SLC2A9: variants seen among roughly 807,000 people sequenced by gnomAD.
The protein encoded by SLC2A9 is solute carrier family 2 member 9, also known as solute carrier family 2, facilitated glucose transporter member 9.
Under a neutral mutation model 50.6 loss-of-function variants are expected in SLC2A9, and 39 were observed. The observed-to-expected ratio is 0.77, with a 90% CI of 0.60 to 1.01. The LOEUF (loss-of-function observed/expected upper bound fraction) is 1.01. Among genes scored for constraint, SLC2A9 ranks in the 50% least tolerant of loss-of-function variants. The pLI is 0.00. For synonymous variants in SLC2A9, 324 were observed against 276.9 expected (o/e 1.17, Z -1.69); for missense variants, 686 against 677.6 (o/e 1.01, Z -0.14).
intron 8 of SLC2A9, among the ~76,000 whole-genome samples, chr4:9,907,841 G>A (rs905025639): frequency 2.6e-5 from 4 of 152,196 alleles, no homozygotes; most frequent in African/African-American, 9.7e-5. Flanking sequence ...TGGGTAAAAT[G>A]TCAGTGAAGA....
At chr4:9,922,705 CA>C (rs1744168998) in intron 6 of SLC2A9, 2 of 152,352 alleles carry the variant, frequency 1.3e-5, no homozygotes, top group Admixed American at 6.5e-5. Context: ...AAGACTTTGC[CA>C]GGGGCACTGT....
At chr4:9,917,491 C>T (rs1050855575) in intron 7 of SLC2A9, among the ~76,000 whole-genome samples, 11 of 151,890 alleles carry the variant, frequency 7.2e-5, no homozygotes, top group Non-Finnish European at 1.0e-4. Context: ...TGCCACCATG[C>T]CTGGCTAATT....
chr4:9,967,003 A>G (rs1006498585), intron 5 of SLC2A9, among the ~76,000 whole-genome samples: 10 of 152,198 alleles, frequency 6.6e-5, no homozygotes, highest in African/African-American at 2.4e-4. Flanking sequence ...TGTACTCACT[A>G]GCGTCCATTT....
At chr4:9,943,246 G>T (rs1433687757) in intron 5 of SLC2A9, among the ~76,000 whole-genome samples, 1 of 152,230 alleles carries the variant, frequency 6.6e-6, no homozygotes, top group African/African-American at 2.4e-5. Context: ...GAAGTGGCCT[G>T]CCAGGGGCAC....
Position 9,918,945 on chromosome 4 carries a change from T to TAGTC in SLC2A9, c.1002+1436_1002+1439dup, listed in dbSNP as rs1245930977. 2.0e-5 allele frequency among the ~76,000 whole-genome samples: 3 copies of TAGTC among 152,192 alleles called. No individual in the cohort carries two copies. The East Asian group carries it at 5.8e-4, about 29-fold the overall frequency. ...CTGAGATTTTTTTTCAACAGGTGCTTAGTCAGTGCGGCTTGCAGGTACACC... is the reference window on the plus strand; with the variant it reads ...CTGAGATTTTTTTTCAACAGGTGCTTAGTCAGTCAGTGCGGCTTGCAGGTACACC... On this transcript the variant is annotated intron_variant, in intron 7 of 11. Coordinates refer to ENST00000264784, the MANE Select transcript of SLC2A9 (RefSeq NM_020041.3).
chr4:9,820,991 T>A (rs1724320135), intron 3 of SLC2A9, among the ~76,000 whole-genome samples: 1 of 152,232 alleles, frequency 6.6e-6, no homozygotes, highest in Non-Finnish European at 1.5e-5. Context: ...ATAGAAAATA[T>A]CTTTACTTTG....
chr4:9,882,410 G>A (rs1735376837), intron 10 of SLC2A9, among the ~76,000 whole-genome samples: 1 of 152,126 alleles, frequency 6.6e-6, no homozygotes, highest in Non-Finnish European at 1.5e-5. Flanking sequence ...TTGCCTCTTA[G>A]CTATGTGATT....
chr4:9,957,695 T>C (rs1751538227), intron 5 of SLC2A9, among the ~76,000 whole-genome samples: 1 of 151,926 alleles, frequency 6.6e-6, no homozygotes, highest in Non-Finnish European at 1.5e-5. Context: ...TATGATAAAA[T>C]AATAAAAATA....
intron 3 of SLC2A9, chr4:9,780,080 A>T (rs1718127917): frequency 6.6e-6 from 1 of 152,268 alleles, no homozygotes; most frequent in African/African-American, 2.4e-5. Flanking sequence ...GGACAAAGAC[A>T]AGGGCAATAT....
intron 2 of SLC2A9, among the ~76,000 whole-genome samples, chr4:10,007,767 T>C (rs561254349): frequency 3.5e-4 from 53 of 152,294 alleles, no homozygotes; most frequent in Non-Finnish European, 6.5e-4. Context: ...AAAGGGCAAA[T>C]TGTTTTCATT....
chr4:9,812,597 G>T (rs2108998770), intron 3 of SLC2A9, among the ~76,000 whole-genome samples: 1 of 151,578 alleles, frequency 6.6e-6, no homozygotes, highest in Non-Finnish European at 1.5e-5. Flanking sequence ...CTGCATCTAG[G>T]TCTTGCATCT....
chr4:9,872,541 C>T (rs540315635), intron 10 of SLC2A9, among the ~76,000 whole-genome samples: 5 of 152,322 alleles, frequency 3.3e-5, no homozygotes, highest in African/African-American at 9.6e-5. Flanking sequence ...GTTGCTATAT[C>T]GCTTGCTATC....
intron 10 of SLC2A9, among the ~76,000 whole-genome samples, chr4:9,853,465 T>C (rs909814473): frequency 2.6e-5 from 4 of 152,206 alleles, no homozygotes; most frequent in African/African-American, 9.6e-5. Context: ...ATGCTAGATA[T>C]ATATGTACCC....
At chr4:9,960,449 G>A (rs1752082862) in intron 5 of SLC2A9, among the ~76,000 whole-genome samples, 1 of 152,172 alleles carries the variant, frequency 6.6e-6, no homozygotes, top group Admixed American at 6.5e-5. Flanking sequence ...GGAAGAAAGG[G>A]GAATATGAAC....
intron 3 of SLC2A9, chr4:9,783,460 T>C (rs779431218): frequency 1.3e-6 from 2 of 1,598,300 alleles, no homozygotes; most frequent in African/African-American, 1.3e-5. Flanking sequence ...ATGGATTCCA[T>C]TAAACTGCAT....
At chr4:9,956,144 G>C (rs1365951251) in intron 5 of SLC2A9, among the ~76,000 whole-genome samples, 1 of 149,936 alleles carries the variant, frequency 6.7e-6, no homozygotes, top group African/African-American at 2.5e-5. Flanking sequence ...CTCCCAAAAT[G>C]CTGGAATTAC....
chr4:9,933,170 AG>A (rs1295319177), intron 6 of SLC2A9, among the ~76,000 whole-genome samples: 1 of 152,230 alleles, frequency 6.6e-6, no homozygotes, highest in African/African-American at 2.4e-5. Context: ...CCCAAAAAGG[AG>A]GACAAAGTTT....
intron 1 of SLC2A9, among the ~76,000 whole-genome samples, chr4:10,029,662 GC>G (rs1279261508): frequency 1.3e-5 from 2 of 150,000 alleles, no homozygotes; most frequent in East Asian, 3.9e-4. Context: ...TGTTGCCCAG[GC>G]TGGAGTGCAA....
chr4:10,030,054 A>T (rs1763889585), intron 1 of SLC2A9, among the ~76,000 whole-genome samples: 1 of 150,650 alleles, frequency 6.6e-6, no homozygotes, highest in Non-Finnish European at 1.5e-5. Flanking sequence ...ATACATAAAA[A>T]GACATGCATA....
Sources: gnomAD v4.1 joint callset for allele counts (sites outside exome capture counted in the v4.1 genomes callset) on GRCh38, gnomAD v4.1.1 for gene constraint, MANE v1.5 for transcripts, NCBI Gene and HGNC (gene_info 2026-07-23, HGNC 2026-07-21) for gene names.